Variants in TMEM234 observed in about 807,000 individuals in gnomAD.
TMEM234 encodes the protein chromosome 1 open reading frame 91.
Under a neutral mutation model 17.8 loss-of-function variants are expected in TMEM234, and 21 were observed. That is an observed-to-expected ratio of 1.18 (90% CI 0.84 to 1.70). TMEM234 has a LOEUF of 1.70. Among genes scored for constraint, TMEM234 ranks in the 40% most tolerant of loss-of-function variants. The pLI, the probability that TMEM234 is intolerant of heterozygous loss-of-function variation, is 0.00. For synonymous variants in TMEM234, 83 were observed against 73.5 expected (o/e 1.13, Z -0.66); for missense variants, 137 against 166.9 (o/e 0.82, Z 0.99).
Position 32,216,957 on chromosome 1 carries a change from T to G in TMEM234, c.329-10A>C, listed in dbSNP as rs12129323. Reference sequence around the variant, plus strand: ...ATGCCAGCAACTGCTCCTGGGATAATAGGCAGAAATCAGGAGGGTCTGAGC... The same window carrying G: ...ATGCCAGCAACTGCTCCTGGGATAAGAGGCAGAAATCAGGAGGGTCTGAGC... On this transcript the variant is annotated splice_polypyrimidine_tract_variant and intron_variant, in intron 4 of 4. Transcript: ENST00000309777. The G allele has an allele frequency of 6.2e-7, 1 of 1,614,008 alleles. No individual in the cohort carries two copies. The highest frequency in any genetic ancestry group is 1.3e-5 in the African/African-American group (1 of 74,926).
At position 32,221,140 on chromosome 1, in the gene TMEM234, C is replaced by A; in HGVS notation, c.226G>T (p.Ala76Ser). The change falls in exon 3 of 5, where the codon GCA becomes TCA. Residue 76 changes from alanine (A) to serine (S), a missense_variant. Transcript: ENST00000309777. Reference protein sequence around the residue: ...CGSLLYYLTLASTDLTLAVPI... With the variant: ...CGSLLYYLTLSSTDLTLAVPI... ...CCAAGCCAGGACCCACCTGTCGATG[C>A]CAAGGTGAGGTAATAGAGAAGGGAT... is the stretch of plus-strand genomic sequence containing the variant. The A allele has an allele frequency of 6.2e-7, 1 of 1,613,072 alleles. No homozygotes were observed. Among genetic ancestry groups the A allele is most frequent in the Non-Finnish European group, 8.5e-7 (1 of 1,179,666 alleles).
At chr1:32,217,151 A>T in intron 4 of TMEM234, 108 bp downstream of exon 4, 24 of 1,600,252 alleles carry the variant, frequency 1.5e-5, no homozygotes, top group Non-Finnish European at 2.0e-5. Flanking sequence ...AGGATGGGAA[A>T]AGGCCGTGTC....
At chr1:32,215,969 T>C, downstream of TMEM234, 1 of 1,302,086 alleles carries the variant, frequency 7.7e-7, no homozygotes, top group Non-Finnish European at 1.1e-6. Context: ...TCCAGCAGCT[T>C]GTTCCTCAGG....
In TMEM234 at chr1:32,216,772, T is replaced by C; in HGVS notation, c.*81A>G. 6.4e-7 allele frequency: 1 copy of C among 1,570,626 alleles called. No homozygotes were observed. Among genetic ancestry groups the C allele is most frequent in the Non-Finnish European group, 8.7e-7 (1 of 1,155,700 alleles). On this transcript the variant is annotated 3_prime_UTR_variant, in exon 5 of 5. Coordinates refer to ENST00000309777, the MANE Select transcript of TMEM234 (RefSeq NM_019118.5). ...AGCTAAGGCCAGAGAGGGGAAGTGC[T>C]AGGTCCATCCGCTCACTGCCAGCAC...
intron 1 of TMEM234, 55 bp from the exon 2 acceptor site, chr1:32,222,073 C>A: frequency 1.3e-6 from 2 of 1,539,586 alleles, no homozygotes; most frequent in East Asian, 2.3e-5. Context: ...CCGCCCACCC[C>A]GCCCTCTCCT....
At position 32,217,284 on chromosome 1, in the gene TMEM234, G is replaced by C. The variant is rs746580728; in HGVS notation, c.303C>G (p.Ala101=). The C allele has an allele frequency of 6.2e-7, 1 of 1,614,104 alleles. No individual in the cohort carries two copies. The highest frequency in any genetic ancestry group is 1.1e-5 in the South Asian group (1 of 91,056). ...GTTTTCCACCAATATCTTCTCCAAG[G>C]GCCTTCCCAACAATCAGTGTGAAGA... ...AIIFTLIVGK[A]LGEDIGGKRA... The change falls in exon 4 of 5, where the codon GCC becomes GCG. Residue 101 remains alanine, a synonymous_variant. Transcript: ENST00000309777.
chr1:32,216,682 C>G lies in TMEM234; in HGVS notation c.*171G>C. 6.7e-7 allele frequency: 1 copy of G among 1,493,396 alleles called. No individual in the cohort carries two copies. The highest frequency in any genetic ancestry group is 1.4e-5 in the African/African-American group (1 of 71,568). 92.5% of individuals were successfully genotyped at this position (1,493,396 alleles called of 1,614,324 possible). A position where few individuals can be genotyped will look rare whatever the true frequency, so the allele number is the denominator to read the frequency against. On this transcript the variant is annotated 3_prime_UTR_variant, in exon 5 of 5. Transcript: ENST00000309777. ...TGAACAGCACTTGAAGGTTACAAAACTCTTTCACTCTTGTTCTCTTATTGT... is the reference window on the plus strand; with the variant it reads ...TGAACAGCACTTGAAGGTTACAAAAGTCTTTCACTCTTGTTCTCTTATTGT...
At chr1:32,215,917 G>A (rs1638345893), downstream of TMEM234, 1 of 1,540,670 alleles carries the variant, frequency 6.5e-7, no homozygotes, top group Non-Finnish European at 8.8e-7. Flanking sequence ...GCTCCAGAGG[G>A]CAACTGGGGA....
At chr1:32,221,653 T>C (rs1638920041) in intron 2 of TMEM234, among the ~76,000 whole-genome samples, 1 of 152,202 alleles carries the variant, frequency 6.6e-6, no homozygotes, top group Non-Finnish European at 1.5e-5. Context: ...TGCTAAGTGC[T>C]CTACGTATCT....
At chr1:32,221,536 T>C (rs1413104461) in intron 2 of TMEM234, among the ~76,000 whole-genome samples, 1 of 152,050 alleles carries the variant, frequency 6.6e-6, no homozygotes, top group African/African-American at 2.4e-5. Flanking sequence ...CCCCAAGCCC[T>C]CCCTCTGGAA....
intron 3 of TMEM234, among the ~76,000 whole-genome samples, chr1:32,220,472 C>T (rs1638796063): frequency 6.6e-6 from 1 of 152,214 alleles, no homozygotes; most frequent in Non-Finnish European, 1.5e-5. Flanking sequence ...TCACCATGCC[C>T]AGTCGAGCAT....
At position 32,216,634 on chromosome 1, in the gene TMEM234, C is replaced by A; in HGVS notation, c.*219G>T. Reference sequence around the variant, plus strand: ...AGGTTGCTGAGGGTGAGCGTAGAGTCTCCTGTGCTAAATCCCCGCAGCTGA... The same window carrying A: ...AGGTTGCTGAGGGTGAGCGTAGAGTATCCTGTGCTAAATCCCCGCAGCTGA... On this transcript the variant is annotated 3_prime_UTR_variant, in exon 5 of 5. Transcript: ENST00000309777. 6.6e-7 allele frequency: 1 copy of A among 1,522,974 alleles called. No individual in the cohort carries two copies. Among genetic ancestry groups the A allele is most frequent in the Non-Finnish European group, 8.9e-7 (1 of 1,129,820 alleles). 94.3% of individuals were successfully genotyped at this position (1,522,974 alleles called of 1,614,324 possible). A position where few individuals can be genotyped will look rare whatever the true frequency, so the allele number is the denominator to read the frequency against.
chr1:32,216,051 A>G (rs1381561489), downstream of TMEM234: 22 of 743,762 alleles, frequency 3.0e-5, no homozygotes, highest in Admixed American at 8.3e-5. Flanking sequence ...CTGCTCCTAA[A>G]CCCACAGCCC....
Position 32,217,338 on chromosome 1 carries a change from A to G in TMEM234, c.249T>C (p.Ala83=), listed in dbSNP as rs150973881. 177 of 1,610,550 alleles carry G rather than the reference A, an allele frequency of 1.1e-4. No individual in the cohort carries two copies. Among genetic ancestry groups the G allele is most frequent in the Non-Finnish European group, 1.5e-4 (172 of 1,177,230 alleles). ...TAGCCAGAGAGTTACAGATGGGCAC[A>G]GCCAGGGTCAGATCTGGGTGGTCAG... ...LTLASTDLTL[A]VPICNSLAII... Residue 83 remains alanine (A), a synonymous_variant, in exon 4 of 5, where the codon GCT becomes GCC. Transcript: ENST00000309777.
chr1:32,216,559 C>G lies in TMEM234; in HGVS notation c.*294G>C. 7.1e-6 allele frequency: 11 copies of G among 1,547,384 alleles called. No homozygotes were observed. Among genetic ancestry groups the G allele is most frequent in the Non-Finnish European group, 9.6e-6 (11 of 1,143,478 alleles). Reference sequence around the variant, plus strand: ...CCAGATCAGGCCACAGTAATGGTGGCTGGGCTGGGAGCCTGAGATGTTAGC... The same window carrying G: ...CCAGATCAGGCCACAGTAATGGTGGGTGGGCTGGGAGCCTGAGATGTTAGC... On this transcript the variant is annotated 3_prime_UTR_variant, in exon 5 of 5. Transcript: ENST00000309777.
At chr1:32,215,302 T>C, downstream of TMEM234, 1 of 733,276 alleles carries the variant, frequency 1.4e-6, no homozygotes, top group Non-Finnish European at 2.2e-6. Context: ...CACCTCTCAC[T>C]TCCTTGCCAT....
chr1:32,215,498 A>G (rs769557918), downstream of TMEM234: 3 of 1,613,820 alleles, frequency 1.9e-6, no homozygotes, highest in East Asian at 2.2e-5. Context: ...GGGCCCTGGA[A>G]GTAGCAGATG....
intron 4 of TMEM234, 75 bp downstream of exon 4, chr1:32,217,184 G>T (rs778133504): frequency 1.2e-6 from 2 of 1,613,394 alleles, no homozygotes; most frequent in Non-Finnish European, 1.7e-6. Context: ...GGGGAGATGG[G>T]TTCTGGGAAG....
downstream of TMEM234, chr1:32,214,978 A>T (rs371942599): frequency 9.3e-6 from 15 of 1,611,552 alleles, no homozygotes; most frequent in Non-Finnish European, 1.3e-5. Flanking sequence ...GCCCTTTGAC[A>T]GTGACATAGG....
Sources: allele counts gnomAD v4.1 joint callset (sites outside exome capture counted in the v4.1 genomes callset), GRCh38; gene constraint gnomAD v4.1.1; transcripts MANE v1.5; gene names NCBI Gene and HGNC (gene_info 2026-07-23, HGNC 2026-07-21).